Variants in TNFSF13B observed in about 807,000 individuals in gnomAD.
TNFSF13B encodes tumor necrosis factor ligand superfamily member 13B.
TNFSF13B carries 8 observed loss-of-function variants against 29.1 expected under a neutral mutation model. The ratio of observed to expected loss-of-function variants is 0.27; its 90% CI spans 0.16 to 0.50. The LOEUF is 0.50. TNFSF13B is among the 20% of genes least tolerant of loss of function. TNFSF13B has a pLI of 0.98. For missense variants in TNFSF13B, 248 were observed against 334.9 expected (o/e 0.74, Z 2.03); for synonymous variants, 125 against 130.8 (o/e 0.96, Z 0.30).
At chr13:108,288,837 C>T (rs1429520525) in intron 3 of TNFSF13B, among the ~76,000 whole-genome samples, 1 of 152,136 alleles carries the variant, frequency 6.6e-6, no homozygotes, top group Non-Finnish European at 1.5e-5. Flanking sequence ...TCAGGAGTAT[C>T]TGGAGGTTAG....
rs1881681109 is a variant in TNFSF13B at position 108,303,238 on chromosome 13, T to C, written c.482-15T>C. ...TCTTGGTTTCTTTCCTTATAAATGA[T>C]TCTCTTCATTGCAGGATCTTACACA... On this transcript the variant is annotated splice_polypyrimidine_tract_variant and intron_variant, in intron 3 of 5. Transcript: ENST00000375887. 1.9e-6 allele frequency: 3 copies of C among 1,564,080 alleles called. No individual in the cohort carries two copies. The South Asian group carries it at 3.5e-5, about 18-fold the overall frequency.
chr13:108,270,356 C>T lies in TNFSF13B; in HGVS notation c.356C>T (p.Ala119Val). Residue 119 changes from alanine (A) to valine (V), a missense_variant, in exon 2 of 6, where the codon GCT becomes GTT. By Grantham distance (64) the Ala-to-Val change is moderately conservative. Transcript: ENST00000375887. ...TGTTCATAGATCTTTGAACCACCAG[C>T]TCCAGGAGAAGGCAACTCCAGTCAG... is the stretch of plus-strand genomic sequence containing the variant. Reference protein sequence around the residue: ...TAGLKIFEPPAPGEGNSSQNS... With the variant: ...TAGLKIFEPPVPGEGNSSQNS... The T allele has an allele frequency of 1.2e-6, 2 of 1,614,144 alleles. No individual in the cohort carries two copies. Among genetic ancestry groups the T allele is most frequent in the African/African-American group, 1.3e-5 (1 of 75,030 alleles).
At position 108,308,443 on chromosome 13, in the gene TNFSF13B, T is replaced by C. The variant is rs1322717815; in HGVS notation, c.*1505T>C. 1 of 152,128 alleles carries C rather than the reference T, an allele frequency of 6.6e-6. No homozygotes were observed. The highest frequency in any genetic ancestry group is 1.9e-4 in the East Asian group (1 of 5,190). The allele number at this position is 152,128 out of a possible 1,614,324, so 9.4% of individuals were successfully genotyped here. A position where few individuals can be genotyped will look rare whatever the true frequency, so the allele number is the denominator to read the frequency against. On this transcript the variant is annotated 3_prime_UTR_variant, in exon 6 of 6. Coordinates refer to ENST00000375887, the MANE Select transcript of TNFSF13B (RefSeq NM_006573.5). ...ATGATTTTTCTGGTGTTGCTGCTAA[T>C]GTGGATTAACAAATAAAAACATTCA...
At chr13:108,271,666 AT>A (rs1351083372) in intron 2 of TNFSF13B, among the ~76,000 whole-genome samples, 2 of 152,162 alleles carry the variant, frequency 1.3e-5, no homozygotes, top group Non-Finnish European at 2.9e-5. Context: ...CATTTTTATT[AT>A]TTTAACACAT....
chr13:108,280,149 G>T (rs907608637), intron 2 of TNFSF13B, among the ~76,000 whole-genome samples: 1 of 146,232 alleles, frequency 6.8e-6, no homozygotes, highest in Admixed American at 7.0e-5. Context: ...AAAATGAAAT[G>T]AATGAGAGAT....
At chr13:108,303,137 CT>C (rs1259611261) in intron 3 of TNFSF13B, 115 bp from the exon 4 acceptor site, 7,490 of 591,388 alleles carry the variant, frequency 0.013, no homozygotes, top group South Asian at 0.017. Flanking sequence ...TTCTTTCTTT[CT>C]TTTTTTTTTA....
At chr13:108,271,987 C>T (rs1370344289) in intron 2 of TNFSF13B, among the ~76,000 whole-genome samples, 1 of 152,098 alleles carries the variant, frequency 6.6e-6, no homozygotes, top group Non-Finnish European at 1.5e-5. Flanking sequence ...CTTCATCACC[C>T]TTGCTTCCGA....
intron 3 of TNFSF13B, among the ~76,000 whole-genome samples, chr13:108,302,484 T>C (rs1036043268): frequency 6.6e-6 from 1 of 152,062 alleles, no homozygotes; most frequent in African/African-American, 2.4e-5. Context: ...CTCTGCTCTC[T>C]TAATGGGTTT....
intron 3 of TNFSF13B, among the ~76,000 whole-genome samples, chr13:108,294,400 G>A (rs774703523): frequency 1.8e-4 from 28 of 151,634 alleles, no homozygotes; most frequent in Non-Finnish European, 2.9e-4. Context: ...GACTGATCTC[G>A]AACTTCTGAC....
At chr13:108,289,171 C>T (rs1881231592) in intron 3 of TNFSF13B, among the ~76,000 whole-genome samples, 1 of 151,982 alleles carries the variant, frequency 6.6e-6, no homozygotes, top group Non-Finnish European at 1.5e-5. Flanking sequence ...CCCCCACCCC[C>T]CAAAATGCTA....
chr13:108,286,747 C>A, intron 2 of TNFSF13B, 56 bp from the exon 3 acceptor site: 1 of 1,206,560 alleles, frequency 8.3e-7, no homozygotes, highest in South Asian at 1.4e-5. Context: ...TTTGTGTTCT[C>A]AGTTTCTTTA....
intron 2 of TNFSF13B, among the ~76,000 whole-genome samples, chr13:108,284,166 A>G (rs1162785867): frequency 6.6e-6 from 1 of 152,128 alleles, no homozygotes; most frequent in Non-Finnish European, 1.5e-5. Flanking sequence ...CGTCTCTATT[A>G]AAAATACAAA....
intron 5 of TNFSF13B, 148 bp downstream of exon 5, chr13:108,303,752 C>T (rs1313960548): frequency 2.2e-5 from 18 of 810,924 alleles, no homozygotes; most frequent in Non-Finnish European, 3.4e-5. Context: ...TTTTTTAAAT[C>T]TTGAATAATA....
chr13:108,279,272 C>T (rs1880863980), intron 2 of TNFSF13B, among the ~76,000 whole-genome samples: 1 of 152,088 alleles, frequency 6.6e-6, no homozygotes, highest in Non-Finnish European at 1.5e-5. Context: ...TCAAGTGATT[C>T]ACAATCTAGG....
chr13:108,270,950 TACACACAC>T (rs138902471), intron 2 of TNFSF13B, among the ~76,000 whole-genome samples: 1 of 150,474 alleles, frequency 6.6e-6, no homozygotes, highest in Non-Finnish European at 1.5e-5. Context: ...AAGGTTATTT[TACACACAC>T]ACACACACAC....
Position 108,286,796 on chromosome 13 carries a change from T to A in TNFSF13B, c.425-7T>A. ...AGTAACTAAAATGATAAATTTTTGC[T>A]TTTTAGTCACTCAAGACTGCTTGCA... On this transcript the variant is annotated splice_region_variant and splice_polypyrimidine_tract_variant and intron_variant, in intron 2 of 5. Transcript: ENST00000375887. 6.4e-7 allele frequency: 1 copy of A among 1,553,364 alleles called. No individual in the cohort carries two copies.
chr13:108,271,671 A>G (rs1880620185), intron 2 of TNFSF13B, among the ~76,000 whole-genome samples: 1 of 152,162 alleles, frequency 6.6e-6, no homozygotes. Context: ...TTATTATTTT[A>G]ACACATCAAT....
intron 2 of TNFSF13B, among the ~76,000 whole-genome samples, chr13:108,274,797 G>A (rs1324992521): frequency 2.0e-5 from 3 of 151,940 alleles, no homozygotes; most frequent in Non-Finnish European, 4.4e-5. Flanking sequence ...GTTTATTTAT[G>A]TTCATATTTA....
chr13:108,287,156 A>G (rs1433892348), intron 3 of TNFSF13B, among the ~76,000 whole-genome samples: 1 of 151,466 alleles, frequency 6.6e-6, no homozygotes, highest in Non-Finnish European at 1.5e-5. Flanking sequence ...GCATTAGGAG[A>G]TATACCTACT....
Sources: allele counts gnomAD v4.1 joint callset (sites outside exome capture counted in the v4.1 genomes callset), GRCh38; gene constraint gnomAD v4.1.1; transcripts MANE v1.5; gene names NCBI Gene and HGNC (gene_info 2026-07-23, HGNC 2026-07-21).